PDK3: variants seen among roughly 807,000 people sequenced by gnomAD.
PDK3 encodes pyruvate dehydrogenase kinase, isozyme 3.
PDK3 carries 12 observed loss-of-function variants against 32.0 expected under a neutral mutation model. The ratio of observed to expected loss-of-function variants is 0.37; its 90% confidence interval spans 0.24 to 0.61. PDK3 has a LOEUF of 0.61. Ranked by LOEUF, PDK3 falls within the 20% of genes least tolerant of loss-of-function variation. The pLI is 0.65. For synonymous variants in PDK3, 122 were observed against 116.3 expected, an observed-to-expected ratio of 1.05 and a Z score of -0.31; for missense variants, 188 against 316.9, an observed-to-expected ratio of 0.59 and a Z score of 3.09.
exon 12 of PDK3, chrX:24,548,774 T>C (rs1853207917): frequency 8.9e-6 from 1 of 112,340 alleles, no homozygotes; most frequent in South Asian, 3.7e-4. Context: ...GTTTTGGCTT[T>C]TCACATATGC....
intron 3 of PDK3, among the ~76,000 whole-genome samples, chrX:24,502,242 C>T (rs1356438358): frequency 1.8e-5 from 2 of 111,680 alleles, no homozygotes; most frequent in Admixed American, 1.9e-4. Flanking sequence ...CATTTTTAAT[C>T]CAGTATTTGG....
chrX:24,503,622 T>C, intron 4 of PDK3, 111 bp downstream of exon 4: 1 of 545,322 alleles, frequency 1.8e-6, no homozygotes, highest in East Asian at 3.9e-5. Context: ...AGAAATTTCA[T>C]TTCTAGTTCG....
intron 1 of PDK3, among the ~76,000 whole-genome samples, chrX:24,473,063 C>G (rs188099066): frequency 1.8e-5 from 2 of 109,496 alleles, no homozygotes; most frequent in African/African-American, 6.6e-5. Context: ...ATGAAAACAT[C>G]ACATTTTAAT....
intron 6 of PDK3, among the ~76,000 whole-genome samples, chrX:24,523,176 C>G (rs1922438918): frequency 1.8e-5 from 2 of 111,624 alleles, no homozygotes; most frequent in Admixed American, 1.9e-4. Context: ...TCACTGTTTC[C>G]TTCCATGGGG....
intron 1 of PDK3, among the ~76,000 whole-genome samples, chrX:24,482,149 C>A (rs1430037159): frequency 1.8e-5 from 2 of 112,190 alleles, no homozygotes; most frequent in African/African-American, 6.5e-5. Context: ...TAGTTTAAGT[C>A]TCTTACCTAA....
intron 1 of PDK3, among the ~76,000 whole-genome samples, chrX:24,479,415 T>G (rs964172182): frequency 8.9e-6 from 1 of 112,067 alleles, no homozygotes; most frequent in Non-Finnish European, 1.9e-5. Context: ...CCGTGTTATC[T>G]CTGGCCTACA....
intron 2 of PDK3, 37 bp from the exon 3 acceptor site, chrX:24,498,792 A>G (rs762119254): frequency 2.2e-6 from 2 of 903,859 alleles, no homozygotes; most frequent in Admixed American, 3.1e-5. Flanking sequence ...CAACTAACAT[A>G]GTAACTCTTC....
chrX:24,489,668 GA>G (rs1921498081), intron 1 of PDK3, among the ~76,000 whole-genome samples: 2 of 78,892 alleles, frequency 2.5e-5, no homozygotes, highest in Non-Finnish European at 2.2e-5. Context: ...CTGGGCAACA[GA>G]GTGGGACTCT....
At chrX:24,481,136 C>T (rs886627702) in intron 1 of PDK3, among the ~76,000 whole-genome samples, 4 of 108,880 alleles carry the variant, frequency 3.7e-5, no homozygotes, top group African/African-American at 1.0e-4. Context: ...CTCCGCCTTC[C>T]GGGTTCACGC....
intron 5 of PDK3, among the ~76,000 whole-genome samples, chrX:24,513,110 C>CT (rs771990627): frequency 3.6e-5 from 4 of 110,693 alleles, no homozygotes; most frequent in Non-Finnish European, 7.6e-5. Flanking sequence ...CTCAGCTTAT[C>CT]TTTTTTTTTC....
At chrX:24,501,418 T>G (rs1319172103) in intron 3 of PDK3, among the ~76,000 whole-genome samples, 1 of 112,983 alleles carries the variant, frequency 8.9e-6, no homozygotes, top group Non-Finnish European at 1.9e-5. Flanking sequence ...GAACAGCTTT[T>G]AAATACATCT....
downstream of PDK3, among the ~76,000 whole-genome samples, chrX:24,535,238 C>T (rs763575885): frequency 1.5e-4 from 17 of 112,043 alleles, no homozygotes; most frequent in Non-Finnish European, 2.8e-4. Context: ...GGCGCAGTGG[C>T]TCACGCCAGT....
chrX:24,527,316 A>G (rs776317735), intron 7 of PDK3, among the ~76,000 whole-genome samples: 4 of 110,255 alleles, frequency 3.6e-5, no homozygotes, highest in Non-Finnish European at 5.7e-5. Flanking sequence ...AAAGAGGAAG[A>G]AGAAGAAGGA....
chrX:24,510,735 A>T (rs1922096808), intron 5 of PDK3, among the ~76,000 whole-genome samples: 2 of 111,848 alleles, frequency 1.8e-5, no homozygotes, highest in African/African-American at 3.2e-5. Flanking sequence ...CTAATCTGTG[A>T]TACTCATTAT....
At chrX:24,499,009 G>A (rs1921786178) in intron 3 of PDK3, 109 bp downstream of exon 3, 1 of 411,590 alleles carries the variant, frequency 2.4e-6, no homozygotes, top group Admixed American at 5.7e-5. Flanking sequence ...GGACAAAAGC[G>A]TTCATTTTCT....
chrX:24,516,015 G>A (rs1442610159), intron 5 of PDK3, among the ~76,000 whole-genome samples: 1 of 111,147 alleles, frequency 9.0e-6, no homozygotes, highest in Non-Finnish European at 1.9e-5. Context: ...CTTACTCTGA[G>A]GTCAAATAAT....
chrX:24,477,420 G>A (rs1260159324), intron 1 of PDK3, among the ~76,000 whole-genome samples: 2 of 111,580 alleles, frequency 1.8e-5, no homozygotes, highest in Admixed American at 1.9e-4. Flanking sequence ...TGTAAATATC[G>A]TTTCCTTTGG....
chrX:24,518,875 A>G (rs1922325093), intron 5 of PDK3, 58 bp from the exon 6 acceptor site: 1 of 604,150 alleles, frequency 1.7e-6, no homozygotes, highest in Non-Finnish European at 2.6e-6. Flanking sequence ...ACACACACAC[A>G]CACACGCTTG....
chrX:24,525,859 A>G (rs777888087), intron 6 of PDK3, among the ~76,000 whole-genome samples: 2 of 112,189 alleles, frequency 1.8e-5, no homozygotes, highest in Non-Finnish European at 3.8e-5. Context: ...GTAGCCCCCA[A>G]TTTGAAAAAC....
Sources: gnomAD v4.1 joint callset for allele counts (sites outside exome capture counted in the v4.1 genomes callset) on GRCh38, gnomAD v4.1.1 for gene constraint, MANE v1.5 for transcripts, NCBI Gene and HGNC (gene_info 2026-07-23, HGNC 2026-07-21) for gene names.